Variants in GABRB3 observed in about 807,000 individuals in gnomAD.
The protein encoded by GABRB3 is gamma-aminobutyric acid receptor subunit beta-3.
GABRB3 carries 14 observed loss-of-function variants against 52.1 expected under a neutral mutation model. That is an observed-to-expected ratio of 0.27 (90% confidence interval 0.18 to 0.42). The LOEUF (loss-of-function observed/expected upper bound fraction) is 0.42. GABRB3 is among the 10% of genes least tolerant of loss of function. GABRB3 has a pLI of 1.00. For synonymous variants in GABRB3, 260 were observed against 232.3 expected (o/e 1.12, Z -1.08); for missense variants, 307 against 609.1 (o/e 0.50, Z 5.22).
chr15:26,654,552 T>G (rs942729767), intron 3 of GABRB3, among the ~76,000 whole-genome samples: 1 of 152,104 alleles, frequency 6.6e-6, no homozygotes, highest in Non-Finnish European at 1.5e-5. Context: ...GCCAGGAGTT[T>G]GTGACCATTC....
At position 26,670,130 on chromosome 15, in the gene GABRB3, G is replaced by A. The variant is rs1426675768; in HGVS notation, c.241-48596C>T. Reference sequence around the variant, plus strand: ...GGAGACGCAAGAAGTCTCCCGGTGCGGGAGCCTACAGGGCTGAGCGCGGAG... The same window carrying A: ...GGAGACGCAAGAAGTCTCCCGGTGCAGGAGCCTACAGGGCTGAGCGCGGAG... On this transcript the variant is annotated intron_variant, in intron 3 of 8. Coordinates refer to ENST00000311550, the MANE Select transcript of GABRB3 (RefSeq NM_000814.6). Among the ~76,000 whole-genome samples the A allele has an allele frequency of 3.3e-5, 5 of 152,318 alleles. 1 individual carries two copies. Among genetic ancestry groups the A allele is most frequent in the Non-Finnish European group, 1.5e-5 (1 of 68,020 alleles).
At chr15:26,767,092 A>G (rs1429007308) in intron 3 of GABRB3, 2 of 152,196 alleles carry the variant, frequency 1.3e-5, no homozygotes, top group African/African-American at 4.8e-5. Flanking sequence ...ATGTATGATC[A>G]TAACTTATGC....
intron 3 of GABRB3, among the ~76,000 whole-genome samples, chr15:26,662,323 AACTCTCT>A (rs1194331323): frequency 6.6e-6 from 1 of 152,176 alleles, no homozygotes; most frequent in Non-Finnish European, 1.5e-5. Flanking sequence ...ATAAAGGGTT[AACTCTCT>A]ATTGGGTTGG....
intron 6 of GABRB3, among the ~76,000 whole-genome samples, chr15:26,580,068 T>C (rs962850712): frequency 6.6e-6 from 1 of 152,202 alleles, no homozygotes; most frequent in African/African-American, 2.4e-5. Context: ...CATTGATTGG[T>C]GAAATTCATC....
intron 3 of GABRB3, among the ~76,000 whole-genome samples, chr15:26,696,778 C>CGA (rs1224690523): frequency 6.6e-6 from 1 of 152,106 alleles, no homozygotes; most frequent in Admixed American, 6.5e-5. Flanking sequence ...ACAGTACAAT[C>CGA]GAGAGTACCT....
chr15:26,570,813 TC>T (rs1272310740), intron 6 of GABRB3, among the ~76,000 whole-genome samples: 1 of 152,090 alleles, frequency 6.6e-6, no homozygotes, highest in Non-Finnish European at 1.5e-5. Flanking sequence ...GAATTTTTTT[TC>T]TCATTCATAT....
At chr15:26,567,869 G>A in intron 6 of GABRB3, 136 bp from the exon 7 acceptor site, 1 of 784,196 alleles carries the variant, frequency 1.3e-6, no homozygotes, top group Non-Finnish European at 2.2e-6. Flanking sequence ...CAAGCAGTTT[G>A]CTTCTGTCTG....
chr15:26,648,235 T>C (rs554814513), intron 3 of GABRB3, among the ~76,000 whole-genome samples: 1 of 152,188 alleles, frequency 6.6e-6, no homozygotes, highest in African/African-American at 2.4e-5. Context: ...TGGAGTCACA[T>C]AGCGTTTGTC....
chr15:26,695,234 A>C (rs1046015288), intron 3 of GABRB3, among the ~76,000 whole-genome samples: 1 of 152,182 alleles, frequency 6.6e-6, no homozygotes, highest in Non-Finnish European at 1.5e-5. Context: ...AAACTGCAGA[A>C]AACCAAGGAC....
intron 3 of GABRB3, among the ~76,000 whole-genome samples, chr15:26,649,729 T>G (rs980046735): frequency 7.2e-6 from 1 of 138,484 alleles, no homozygotes; most frequent in Non-Finnish European, 1.6e-5. Flanking sequence ...AGAGAGAAGA[T>G]AAGTCGATAA....
chr15:26,752,215 G>A (rs963112065), intron 3 of GABRB3, among the ~76,000 whole-genome samples: 5 of 150,822 alleles, frequency 3.3e-5, no homozygotes, highest in East Asian at 1.9e-4. Context: ...AGAATTGATC[G>A]CTTGCTCTCT....
At chr15:26,744,658 T>G (rs557570792) in intron 3 of GABRB3, among the ~76,000 whole-genome samples, 1 of 152,258 alleles carries the variant, frequency 6.6e-6, no homozygotes, top group East Asian at 1.9e-4. Flanking sequence ...ACTCCTGACC[T>G]CAGGTGATCT....
intron 8 of GABRB3, among the ~76,000 whole-genome samples, chr15:26,553,868 A>G (rs1041889095): frequency 1.3e-5 from 2 of 150,752 alleles, no homozygotes; most frequent in Non-Finnish European, 3.0e-5. Flanking sequence ...TGCCTTTTAA[A>G]CACATTGATA....
chr15:26,562,365 C>T (rs1044723334), intron 7 of GABRB3, among the ~76,000 whole-genome samples: 3 of 152,164 alleles, frequency 2.0e-5, no homozygotes, highest in Non-Finnish European at 4.4e-5. Flanking sequence ...TTTCAGGACC[C>T]AATAAAGAGA....
chr15:26,646,704 A>T (rs577460062), intron 3 of GABRB3, among the ~76,000 whole-genome samples: 1 of 152,106 alleles, frequency 6.6e-6, no homozygotes, highest in African/African-American at 2.4e-5. Flanking sequence ...TCTCATCAAC[A>T]CTTATTATTT....
chr15:26,578,946 C>T (rs1479884319), intron 6 of GABRB3, among the ~76,000 whole-genome samples: 3 of 152,230 alleles, frequency 2.0e-5, no homozygotes, highest in African/African-American at 7.2e-5. Flanking sequence ...CCTCTCAGTG[C>T]GTCTTCTCCG....
intron 3 of GABRB3, among the ~76,000 whole-genome samples, chr15:26,673,427 A>G (rs1269569326): frequency 6.6e-6 from 1 of 152,154 alleles, no homozygotes; most frequent in Non-Finnish European, 1.5e-5. Flanking sequence ...ATTTATCTCT[A>G]TTACTTACCG....
chr15:26,742,033 T>A (rs1320840215), intron 3 of GABRB3, among the ~76,000 whole-genome samples: 1 of 152,104 alleles, frequency 6.6e-6, no homozygotes, highest in African/African-American at 2.4e-5. Context: ...ATTTCTGGGT[T>A]AAAAGTACGC....
chr15:26,706,734 G>C (rs1889115770), intron 3 of GABRB3, among the ~76,000 whole-genome samples: 1 of 152,078 alleles, frequency 6.6e-6, no homozygotes, highest in Non-Finnish European at 1.5e-5. Context: ...AGGGAGGAAG[G>C]GTGTGTTTTT....
Sources: gnomAD v4.1 joint callset for allele counts (sites outside exome capture counted in the v4.1 genomes callset) on GRCh38, gnomAD v4.1.1 for gene constraint, MANE v1.5 for transcripts, NCBI Gene and HGNC (gene_info 2026-07-23, HGNC 2026-07-21) for gene names.